Variants in GARNL3 observed in about 807,000 individuals in gnomAD.
GARNL3 encodes the protein GTPase activating Rap/RanGAP domain like 3.
In GARNL3, 63 loss-of-function variants were observed where a neutral mutation model predicts 125.0. The ratio of observed to expected loss-of-function variants is 0.50; its 90% confidence interval spans 0.41 to 0.62. GARNL3 has a LOEUF of 0.62. GARNL3 is among the 20% of genes least tolerant of loss of function. GARNL3 has a pLI of 0.00. For missense variants in GARNL3, 994 were observed against 1,244.0 expected (o/e 0.80, Z 3.02); for synonymous variants, 439 against 457.5 (o/e 0.96, Z 0.52).
chr9:127,367,871 G>A (rs928948773), intron 22 of GARNL3, among the ~76,000 whole-genome samples: 2 of 152,042 alleles, frequency 1.3e-5, no homozygotes, highest in Non-Finnish European at 2.9e-5. Context: ...AACAACTGTT[G>A]TAAGTACTAA....
Position 127,371,357 on chromosome 9 carries a change from C to T in GARNL3, c.2161+5991C>T, listed in dbSNP as rs537193696. Among the ~76,000 whole-genome samples the T allele has an allele frequency of 2.6e-5, 4 of 152,280 alleles. No individual in the cohort carries two copies. The South Asian group carries it at 8.3e-4, about 32-fold the overall frequency. ...ACTCCCTTTCCCAAGCCAGCCTCTG[C>T]CTTCCTCTGCCTTCCTTCACGTAGG... On this transcript the variant is annotated intron_variant, in intron 22 of 27. Coordinates refer to ENST00000373387, the MANE Select transcript of GARNL3 (RefSeq NM_032293.5).
chr9:127,278,596 C>T (rs2064019105), intron 1 of GARNL3, among the ~76,000 whole-genome samples: 1 of 152,188 alleles, frequency 6.6e-6, no homozygotes, highest in Non-Finnish European at 1.5e-5. Flanking sequence ...GAGTCATCAC[C>T]TTTTTCCTTT....
intron 26 of GARNL3, 42 bp from the exon 27 acceptor site, chr9:127,390,599 G>T: frequency 6.3e-7 from 1 of 1,599,948 alleles, no homozygotes; most frequent in Non-Finnish European, 8.5e-7. Flanking sequence ...CTCCGTGGCA[G>T]CCCTGTGGTA....
At chr9:127,314,504 T>G (rs1033563894) in intron 4 of GARNL3, among the ~76,000 whole-genome samples, 2 of 152,162 alleles carry the variant, frequency 1.3e-5, no homozygotes, top group Non-Finnish European at 2.9e-5. Flanking sequence ...ACCTCTTGGC[T>G]GGCCTTTCTT....
chr9:127,373,750 G>A (rs1201676245), intron 22 of GARNL3, among the ~76,000 whole-genome samples: 1 of 152,192 alleles, frequency 6.6e-6, no homozygotes, highest in Non-Finnish European at 1.5e-5. Flanking sequence ...CTGGCTGGGC[G>A]CGATGGCTCA....
intron 2 of GARNL3, among the ~76,000 whole-genome samples, chr9:127,295,895 T>C (rs1018434183): frequency 4.6e-5 from 7 of 152,184 alleles, no homozygotes; most frequent in African/African-American, 1.7e-4. Flanking sequence ...CTTCTATTAT[T>C]ATTACATTGT....
intron 2 of GARNL3, among the ~76,000 whole-genome samples, chr9:127,307,394 C>G (rs973401658): frequency 1.3e-5 from 2 of 152,194 alleles, no homozygotes; most frequent in Non-Finnish European, 2.9e-5. Flanking sequence ...AGAAGCTTGT[C>G]TGTGCCATCC....
chr9:127,327,370 G>A (rs151034071), intron 7 of GARNL3, among the ~76,000 whole-genome samples: 165 of 152,334 alleles, frequency 1.1e-3, no homozygotes, highest in African/African-American at 3.0e-3. Context: ...GGTGTGTGGT[G>A]AGGGGGTAGG....
intron 27 of GARNL3, among the ~76,000 whole-genome samples, chr9:127,391,020 C>T (rs1832796861): frequency 6.6e-6 from 1 of 152,214 alleles, no homozygotes; most frequent in Non-Finnish European, 1.5e-5. Context: ...CACAGTGGCT[C>T]ATGCCTTTAA....
At chr9:127,299,280 C>A (rs2064705806) in intron 2 of GARNL3, among the ~76,000 whole-genome samples, 1 of 146,346 alleles carries the variant, frequency 6.8e-6, no homozygotes, top group Admixed American at 6.9e-5. Context: ...TGCACTCCAG[C>A]CTGGGCAACA....
rs762928956 is a variant in GARNL3 at position 127,355,326 on chromosome 9, C to A, written c.1789C>A (p.His597Asn). 1 of 1,614,190 alleles carries A rather than the reference C, an allele frequency of 6.2e-7. No individual in the cohort carries two copies. Among genetic ancestry groups the A allele is most frequent in the South Asian group, 1.1e-5 (1 of 91,076 alleles). Residue 597 changes from histidine to asparagine, a missense_variant, in exon 20 of 28, where the codon CAC (histidine) becomes AAC (asparagine). Around this residue, in one of 5 missense-constraint regions of GARNL3, gnomAD observed 728 missense variants for 865.7 expected, o/e 0.84. Coordinates refer to ENST00000373387, the MANE Select transcript of GARNL3 (RefSeq NM_032293.5). ...CCACCTGTATGCTATTAACACTCACCACAGCAGAGAGCTGAGGATTGTGGT... is the reference window on the plus strand; with the variant it reads ...CCACCTGTATGCTATTAACACTCACAACAGCAGAGAGCTGAGGATTGTGGT... ...GCHLYAINTH[H>N]SRELRIVVAI...
At chr9:127,291,895 C>G (rs571474693) in intron 2 of GARNL3, among the ~76,000 whole-genome samples, 3 of 152,048 alleles carry the variant, frequency 2.0e-5, no homozygotes, top group African/African-American at 7.2e-5. Flanking sequence ...GGGCAAGGAC[C>G]CCAGCCACCC....
intron 1 of GARNL3, among the ~76,000 whole-genome samples, chr9:127,229,592 C>T (rs1181109802): frequency 6.6e-6 from 1 of 152,214 alleles, no homozygotes; most frequent in African/African-American, 2.4e-5. Context: ...AACTCCTGGA[C>T]TTAAGCGATT....
At chr9:127,348,736 G>A (rs1010700105) in intron 16 of GARNL3, among the ~76,000 whole-genome samples, 188 bp from the exon 17 acceptor site, 4 of 152,200 alleles carry the variant, frequency 2.6e-5, no homozygotes, top group Admixed American at 6.5e-5. Context: ...TATTGCATAC[G>A]TATTTGAAAG....
At chr9:127,226,930 C>T (rs1256013018) in intron 1 of GARNL3, among the ~76,000 whole-genome samples, 1 of 152,202 alleles carries the variant, frequency 6.6e-6, no homozygotes, top group Non-Finnish European at 1.5e-5. Flanking sequence ...CATGGAGCAG[C>T]GCTGTCCCGT....
At chr9:127,259,808 G>A (rs1485956700), upstream of GARNL3, among the ~76,000 whole-genome samples, 1 of 152,022 alleles carries the variant, frequency 6.6e-6, no homozygotes, top group Admixed American at 6.6e-5. Flanking sequence ...AACTGAGGTG[G>A]GAGGATCACT....
intron 24 of GARNL3, among the ~76,000 whole-genome samples, chr9:127,386,327 G>C (rs996488584): frequency 1.3e-5 from 2 of 152,128 alleles, no homozygotes; most frequent in Admixed American, 1.3e-4. Flanking sequence ...TACGTTTCTT[G>C]TTCATTACTA....
intron 1 of GARNL3, among the ~76,000 whole-genome samples, chr9:127,269,522 T>C (rs2063771684): frequency 6.6e-6 from 1 of 152,254 alleles, no homozygotes; most frequent in Non-Finnish European, 1.5e-5. Flanking sequence ...TATACTGTTT[T>C]ACATTTCCAC....
chr9:127,268,955 G>A (rs375901861), intron 1 of GARNL3, among the ~76,000 whole-genome samples: 151 of 152,138 alleles, frequency 9.9e-4, no homozygotes, highest in African/African-American at 2.8e-3. Flanking sequence ...ATAATATTCC[G>A]TTGTATTGAT....
Sources: gnomAD v4.1 joint callset for allele counts (sites outside exome capture counted in the v4.1 genomes callset) on GRCh38, gnomAD v4.1.1 for gene constraint, gnomAD v4.1.1 regional missense constraint, MANE v1.5 for transcripts, NCBI Gene and HGNC (gene_info 2026-07-23, HGNC 2026-07-21) for gene names.